The following THAP4 variants were observed in gnomAD, a reference collection of about 807,000 sequenced individuals.
THAP4 encodes peroxynitrite isomerase THAP4.
In THAP4, 18 loss-of-function variants were observed where a neutral mutation model predicts 48.1. The observed-to-expected ratio is 0.37, with a 90% CI of 0.26 to 0.56. The LOEUF (loss-of-function observed/expected upper bound fraction) is 0.56. Ranked by LOEUF, THAP4 falls within the 20% of genes least tolerant of loss-of-function variation. The pLI, the probability that THAP4 is intolerant of heterozygous loss-of-function variation, is 0.78. For synonymous variants in THAP4, 345 were observed against 324.9 expected (o/e 1.06, Z -0.66); for missense variants, 656 against 774.9 (o/e 0.85, Z 1.82).
chr2:241,596,244 C>G (rs1475064717), intron 5 of THAP4, among the ~76,000 whole-genome samples: 1 of 152,028 alleles, frequency 6.6e-6, no homozygotes. Context: ...TAGTGGCTCA[C>G]GCCTGTAATC....
chr2:241,633,836 C>T lies in THAP4; in HGVS notation c.321G>A (p.Lys107=). The change falls in exon 2 of 6, where the codon AAG becomes AAA. Residue 107 remains lysine (K), a synonymous_variant. Transcript: ENST00000407315. The surrounding 1 kb of genome is among the most constrained non-coding windows in gnomAD (Gnocchi z 7.5). Reference sequence around the variant, plus strand: ...AGTGTCCCCTCACACCCCCTGTGGCCTTGCTGGCATCTTTTCTCCGGGTGC... The same window carrying T: ...AGTGTCCCCTCACACCCCCTGTGGCTTTGCTGGCATCTTTTCTCCGGGTGC... ...HGRTRRKDAS[K]ATGGVRGHSS... 3 of 1,613,824 alleles carry T rather than the reference C, an allele frequency of 1.9e-6. No individual in the cohort carries two copies. Among genetic ancestry groups the T allele is most frequent in the Non-Finnish European group, 2.5e-6 (3 of 1,179,732 alleles).
At chr2:241,634,115 TTAAA>T (rs2067607255) in intron 1 of THAP4, 36 bp from the exon 2 acceptor site, 1 of 1,442,776 alleles carries the variant, frequency 6.9e-7, no homozygotes, top group East Asian at 2.4e-5. Context: ...TTAGAAATAA[TTAAA>T]TGTCTCCCCT....
At chr2:241,634,176 C>T (rs960461482) in intron 1 of THAP4, 97 bp from the exon 2 acceptor site, 6 of 920,386 alleles carry the variant, frequency 6.5e-6, no homozygotes, top group African/African-American at 3.4e-5. Flanking sequence ...TGCACGCACC[C>T]TAAGCCGTAT....
Position 241,633,625 on chromosome 2 carries a change from C to T in THAP4, c.532G>A (p.Gly178Arg), listed in dbSNP as rs759862183. The change falls in exon 2 of 6, where the codon GGA becomes AGA. Residue 178 changes from glycine to arginine, a missense_variant. Coordinates refer to ENST00000407315, the MANE Select transcript of THAP4 (RefSeq NM_015963.6). The surrounding 1 kb of genome is among the most constrained non-coding windows in gnomAD (Gnocchi z 7.5). ...CTGCCTGCCACCATGGTGGCCAGTC[C>T]ATCTCCTGGAGTCCGTTCCAGAGCT... Reference protein sequence around the residue: ...QQALERTPGDGLATMVAGSQG... With the variant: ...QQALERTPGDRLATMVAGSQG... The T allele has an allele frequency of 6.2e-7, 1 of 1,613,194 alleles. No homozygotes were observed. The highest frequency in any genetic ancestry group is 1.3e-5 in the African/African-American group (1 of 75,050).
upstream of THAP4, chr2:241,637,356 C>T (rs753913969): frequency 4.5e-6 from 6 of 1,345,676 alleles, no homozygotes; most frequent in South Asian, 7.7e-5. Context: ...CCGAGCACGT[C>T]CGTACCGCAA....
intron 2 of THAP4, among the ~76,000 whole-genome samples, chr2:241,625,711 T>C (rs191016471): frequency 4.1e-3 from 570 of 140,328 alleles, no homozygotes; most frequent in African/African-American, 0.014. Context: ...GGCAGGAGAA[T>C]TGCTTGAACC....
At chr2:241,622,273 G>C (rs182648907) in intron 2 of THAP4, among the ~76,000 whole-genome samples, 1 of 152,148 alleles carries the variant, frequency 6.6e-6, no homozygotes, top group Non-Finnish European at 1.5e-5. Flanking sequence ...GCTGAGGCAG[G>C]AGAATTGCTT....
chr2:241,592,658 A>G (rs2066999656), intron 5 of THAP4, among the ~76,000 whole-genome samples: 1 of 152,244 alleles, frequency 6.6e-6, no homozygotes, highest in African/African-American at 2.4e-5. Context: ...CAGCTAAAGG[A>G]AAGCCTCACT....
At position 241,612,821 on chromosome 2, in the gene THAP4, G is replaced by A. The variant is rs1051336927; in HGVS notation, c.1241-6348C>T. ...GGCGCATGAGGAGGGAAGGTGAGTG[G>A]CAAGGATGCTACGGCTGGCCACAGC... On this transcript the variant is annotated intron_variant, in intron 2 of 5. Transcript: ENST00000407315. This position sits in a 1 kb window ranked among gnomAD's most constrained non-coding sequence, Gnocchi z 4.1. Among the ~76,000 whole-genome samples the A allele has an allele frequency of 4.5e-4, 68 of 152,194 alleles. No individual in the cohort carries two copies. Among genetic ancestry groups the A allele is most frequent in the Non-Finnish European group, 4.4e-4 (30 of 68,034 alleles).
intron 5 of THAP4, among the ~76,000 whole-genome samples, chr2:241,585,935 A>AAAAAAAG (rs1553553075): frequency 2.0e-5 from 3 of 146,898 alleles, no homozygotes; most frequent in African/African-American, 7.6e-5. Flanking sequence ...AAAAAGAAAA[A>AAAAAAAG]AAAAAGAAAA....
At position 241,633,552 on chromosome 2, in the gene THAP4, G is replaced by A. The variant is rs145219799; in HGVS notation, c.605C>T (p.Ala202Val). Residue 202 changes from alanine (A) to valine (V), a missense_variant, in exon 2 of 6, where the codon GCC (alanine) becomes GTC (valine). Coordinates refer to ENST00000407315, the MANE Select transcript of THAP4 (RefSeq NM_015963.6). This position sits in a 1 kb window ranked among gnomAD's most constrained non-coding sequence, Gnocchi z 7.5. ...ASATDAGDES[A>V]TSSIEGGVTD... Reference sequence around the variant, plus strand: ...CACGCCCCCTTCGATGGAGGAAGTGGCGCTCTCATCGCCAGCATCTGTGGC... The same window carrying A: ...CACGCCCCCTTCGATGGAGGAAGTGACGCTCTCATCGCCAGCATCTGTGGC... 6.8e-5 allele frequency: 110 copies of A among 1,613,844 alleles called. No homozygotes were observed. The highest frequency in any genetic ancestry group is 8.1e-5 in the Non-Finnish European group (96 of 1,179,982).
At position 241,633,290 on chromosome 2, in the gene THAP4, A is replaced by G. The variant is rs1390490685; in HGVS notation, c.867T>C (p.Leu289=). ...GGGAAGGCTTCTGCGGTGTCGCGGT[A>G]AGTGATGAGCTGGGAGGGCTCTGGG... ...GLAQSPPSSS[L]TATPQKPSQS... Residue 289 remains leucine, a synonymous_variant, in exon 2 of 6, where the codon CTT becomes CTC. Coordinates refer to ENST00000407315, the MANE Select transcript of THAP4 (RefSeq NM_015963.6). This position sits in a 1 kb window ranked among gnomAD's most constrained non-coding sequence, Gnocchi z 7.5. The G allele has an allele frequency of 1.2e-6, 2 of 1,611,956 alleles. No individual in the cohort carries two copies. Among genetic ancestry groups the G allele is most frequent in the Non-Finnish European group, 1.7e-6 (2 of 1,179,950 alleles).
chr2:241,637,353 C>T (rs1179151109), upstream of THAP4: 6 of 1,336,758 alleles, frequency 4.5e-6, no homozygotes, highest in Non-Finnish European at 4.9e-6. Context: ...GCGCCGAGCA[C>T]GTCCGTACCG....
intron 5 of THAP4, among the ~76,000 whole-genome samples, chr2:241,598,319 C>A (rs2067074021): frequency 6.6e-6 from 1 of 152,190 alleles, no homozygotes; most frequent in African/African-American, 2.4e-5. Flanking sequence ...AGAACATTTG[C>A]AAAAGCTAAG....
chr2:241,621,159 C>T (rs1219498762), intron 2 of THAP4, among the ~76,000 whole-genome samples: 2 of 152,048 alleles, frequency 1.3e-5, no homozygotes, highest in Non-Finnish European at 2.9e-5. Context: ...ACCAGCCTGG[C>T]CAACATGGTG....
chr2:241,584,566 C>T lies in THAP4; in HGVS notation c.*40G>A, dbSNP rs2066868026. ...GTTGAGGAGCCGAACCGTTGAGGCA[C>T]AGTAGCCAGGCCCTCCCGAGGGCTC... On this transcript the variant is annotated 3_prime_UTR_variant, in exon 6 of 6. Transcript: ENST00000407315. The T allele has an allele frequency of 6.2e-7, 1 of 1,613,260 alleles. No homozygotes were observed. The highest frequency in any genetic ancestry group is 1.3e-5 in the African/African-American group (1 of 75,016).
intron 1 of THAP4, among the ~76,000 whole-genome samples, chr2:241,635,762 C>G (rs1455215349): frequency 1.3e-5 from 2 of 151,976 alleles, no homozygotes; most frequent in Non-Finnish European, 2.9e-5. Flanking sequence ...GAGGGAGACT[C>G]CTTCTCAAAA....
At chr2:241,611,050 T>G (rs1033482653) in intron 2 of THAP4, among the ~76,000 whole-genome samples, 8 of 151,990 alleles carry the variant, frequency 5.3e-5, no homozygotes, top group Non-Finnish European at 8.8e-5. Context: ...GAACTTGATT[T>G]TGAGGGAAAA....
At chr2:241,595,752 C>G (rs1331453715) in intron 5 of THAP4, among the ~76,000 whole-genome samples, 3 of 152,182 alleles carry the variant, frequency 2.0e-5, no homozygotes, top group Non-Finnish European at 2.9e-5. Context: ...ACCACCAGCT[C>G]CCCGTACCGA....
Sources: gnomAD v4.1 joint callset for allele counts (sites outside exome capture counted in the v4.1 genomes callset) on GRCh38, gnomAD v4.1.1 for gene constraint, Gnocchi (gnomAD v3.1) non-coding constraint, MANE v1.5 for transcripts, NCBI Gene and HGNC (gene_info 2026-07-23, HGNC 2026-07-21) for gene names.